NEFL: variants seen among roughly 807,000 people sequenced by gnomAD.
NEFL encodes neurofilament light polypeptide.
In NEFL, 36 loss-of-function variants were observed where a neutral mutation model predicts 51.6. The ratio of observed to expected loss-of-function variants is 0.70; its 90% CI spans 0.53 to 0.92. NEFL has a LOEUF of 0.92. NEFL is among the 40% of genes least tolerant of loss of function. NEFL has a pLI of 0.00. For missense variants in NEFL, 671 were observed against 722.0 expected, an observed-to-expected ratio of 0.93 and a Z score of 0.81; for synonymous variants, 332 against 302.5, an observed-to-expected ratio of 1.10 and a Z score of -1.01.
rs1022900171 is a variant in NEFL, at chr8:24,952,587, C to T, written c.*223G>A. 4.8e-6 allele frequency: 3 copies of T among 623,028 alleles called. No individual in the cohort carries two copies. In the Admixed American group the frequency reaches 9.2e-5, roughly 19 times the overall value. The allele number at this position is 623,028 out of a possible 1,614,324, so 38.6% of individuals were successfully genotyped here. Reference sequence around the variant, plus strand: ...CTCATAAGCGTGGTCCATGCACAGGCTGGCAGCAAGCCAGAAAGCCACTCT... The same window carrying T: ...CTCATAAGCGTGGTCCATGCACAGGTTGGCAGCAAGCCAGAAAGCCACTCT... On this transcript the variant is annotated 3_prime_UTR_variant, in exon 4 of 4. Transcript: ENST00000610854.
rs1803030431 is a variant in NEFL, at chr8:24,955,368, G to A, written c.1044+104C>T. ...CCAAGGAGCCAAGCCCTATCCCTAA[G>A]AGCTGCGTGCAGCCGCACCACCCCT... is the stretch of plus-strand genomic sequence containing the variant. On this transcript the variant is annotated intron_variant, in intron 1 of 3. Coordinates refer to ENST00000610854, the MANE Select transcript of NEFL (RefSeq NM_006158.5). The surrounding 1 kb of genome is among the most constrained non-coding windows in gnomAD (Gnocchi z 4.0). The A allele has an allele frequency of 5.0e-6, 6 of 1,189,938 alleles. No homozygotes were observed. The highest frequency in any genetic ancestry group is 6.9e-6 in the Non-Finnish European group (6 of 864,458). The allele number at this position is 1,189,938 out of a possible 1,614,324, so 73.7% of individuals were successfully genotyped here. A position where few individuals can be genotyped will look rare whatever the true frequency, so the allele number is the denominator to read the frequency against.
intron 3 of NEFL, among the ~76,000 whole-genome samples, 192 bp from the exon 4 acceptor site, chr8:24,953,144 C>T (rs879034512): frequency 6.6e-6 from 1 of 152,160 alleles, no homozygotes; most frequent in East Asian, 1.9e-4. Flanking sequence ...ATATTTAAAT[C>T]GAATGAGATC....
In NEFL at chr8:24,956,317, T is replaced by C; in HGVS notation, c.199A>G (p.Ser67Gly). 6.2e-7 allele frequency: 1 copy of C among 1,610,694 alleles called. No homozygotes were observed. Among genetic ancestry groups the C allele is most frequent in the Non-Finnish European group, 8.5e-7 (1 of 1,178,614 alleles). ...YSSSSGSLMP[S>G]LENLDLSQVA... ...TGGCTCAGGTCGAGGTTCTCCAGAC[T>C]GGGCATCAACGATCCAGAGCTGGAG... The change falls in exon 1 of 4, where the codon AGT becomes GGT. Residue 67 changes from serine (S) to glycine (G), a missense_variant. Physicochemically the swap from Ser to Gly is moderately conservative, Grantham distance 56. Transcript: ENST00000610854. The surrounding 1 kb of genome is among the most constrained non-coding windows in gnomAD (Gnocchi z 5.9).
At position 24,955,993 on chromosome 8, in the gene NEFL, G is replaced by T; in HGVS notation, c.523C>A (p.Gln175Lys). The T allele has an allele frequency of 6.2e-7, 1 of 1,603,734 alleles. No individual in the cohort carries two copies. The highest frequency in any genetic ancestry group is 8.5e-7 in the Non-Finnish European group (1 of 1,179,078). The change falls in exon 1 of 4, where the codon CAG becomes AAG. Residue 175 changes from glutamine (Q) to lysine (K), a missense_variant. Transcript: ENST00000610854. The surrounding 1 kb of genome is among the most constrained non-coding windows in gnomAD (Gnocchi z 4.0). The stretch of plus-strand genomic sequence containing the variant: ...AGCACCTCCTCTTCATAGCGCGCCT[G>T]CAGGTTGCGCAGGGTCTCCTCCAGC... ...EGLEETLRNL[Q>K]ARYEEEVLSR...
At position 24,953,743 on chromosome 8, in the gene NEFL, T is replaced by C; in HGVS notation, c.1222A>G (p.Ile408Val). ...TRLSFTSVGS[I>V]TSGYSQSSQV... Reference sequence around the variant, plus strand: ...GAGCTCTGGGAGTAGCCACTGGTTATGCTTCCCACGCTGGTGAAACTGAGT... The same window carrying C: ...GAGCTCTGGGAGTAGCCACTGGTTACGCTTCCCACGCTGGTGAAACTGAGT... The change falls in exon 3 of 4, where the codon ATA becomes GTA. Residue 408 changes from isoleucine to valine, a missense_variant. Coordinates refer to ENST00000610854, the MANE Select transcript of NEFL (RefSeq NM_006158.5). 6.2e-7 allele frequency: 1 copy of C among 1,613,986 alleles called. No homozygotes were observed. Among genetic ancestry groups the C allele is most frequent in the Non-Finnish European group, 8.5e-7 (1 of 1,179,866 alleles).
intron 2 of NEFL, 90 bp downstream of exon 2, chr8:24,954,091 T>C: frequency 6.4e-7 from 1 of 1,552,378 alleles, no homozygotes; most frequent in Middle Eastern, 1.7e-4. Context: ...AGGACTATTA[T>C]TGAAGGTTTC....
rs183128046 is a variant in NEFL at position 24,955,425 on chromosome 8, C to A, written c.1044+47G>T. ...CACTTTCTGGGCGCACCAACTCCCC[C>A]CCTTGCTCGAGTCCCCCGCCCCCCT... On this transcript the variant is annotated intron_variant, in intron 1 of 3. Coordinates refer to ENST00000610854, the MANE Select transcript of NEFL (RefSeq NM_006158.5). The surrounding 1 kb of genome is among the most constrained non-coding windows in gnomAD (Gnocchi z 4.0). The A allele has an allele frequency of 4.5e-5, 36 of 791,472 alleles. 1 individual carries two copies. The highest frequency in any genetic ancestry group is 9.7e-5 in the African/African-American group (6 of 61,850). The allele number at this position is 791,472 out of a possible 1,614,324, so 49.0% of individuals were successfully genotyped here. A position where few individuals can be genotyped will look rare whatever the true frequency, so the allele number is the denominator to read the frequency against.
rs2117254722 is a variant in NEFL, at chr8:24,955,814, C to A, written c.702G>T (p.Leu234=). The change falls in exon 1 of 4, where the codon CTG becomes CTT. Residue 234 remains leucine (L), a synonymous_variant. Transcript: ENST00000610854. The surrounding 1 kb of genome is among the most constrained non-coding windows in gnomAD (Gnocchi z 4.0). ...TCTGCGCGTACTGGATCTGCGCCTG[C>A]AGTTCGGCGATCTCCTCTTCGTGCA... The part of the protein sequence containing the change: ...KKVHEEEIAE[L]QAQIQYAQIS... The A allele has an allele frequency of 3.7e-6, 6 of 1,612,110 alleles. No homozygotes were observed. The highest frequency in any genetic ancestry group is 5.1e-6 in the Non-Finnish European group (6 of 1,179,866).
Position 24,951,439 on chromosome 8 carries a change from A to G in NEFL, c.*1371T>C, listed in dbSNP as rs949335275. The G allele has an allele frequency of 6.6e-6, 1 of 152,234 alleles. No homozygotes were observed. Among genetic ancestry groups the G allele is most frequent in the Non-Finnish European group, 1.5e-5 (1 of 68,036 alleles). The allele number at this position is 152,234 out of a possible 1,614,324, so 9.4% of individuals were successfully genotyped here. ...AGAATAGCAGATAGTAATATCATCT[A>G]TATTTATTCCACATCAAATGCAAGA... is the stretch of plus-strand genomic sequence containing the variant. On this transcript the variant is annotated 3_prime_UTR_variant, in exon 4 of 4. Transcript: ENST00000610854.
rs781658190 is a variant in NEFL at position 24,956,428 on chromosome 8, G to T, written c.88C>A (p.Arg30Ser). 2.5e-6 allele frequency: 4 copies of T among 1,602,742 alleles called. No individual in the cohort carries two copies. The highest frequency in any genetic ancestry group is 1.7e-4 in the Middle Eastern group (1 of 6,040). The change falls in exon 1 of 4, where the codon CGC (arginine) becomes AGC (serine). Residue 30 changes from arginine to serine, a missense_variant. Transcript: ENST00000610854. This position sits in a 1 kb window ranked among gnomAD's most constrained non-coding sequence, Gnocchi z 5.9. ...GAGCGTGCGGTGCTGTAGCCGCTGCGCACGCTGGAGATGTGCACCCGGGGC... is the reference window on the plus strand; with the variant it reads ...GAGCGTGCGGTGCTGTAGCCGCTGCTCACGCTGGAGATGTGCACCCGGGGC... The part of the protein sequence containing the change: ...ETPRVHISSV[R>S]SGYSTARSAY...
At chr8:24,953,062 C>T in intron 3 of NEFL, 110 bp from the exon 4 acceptor site, 2 of 1,302,560 alleles carry the variant, frequency 1.5e-6, no homozygotes, top group Admixed American at 2.6e-5. Context: ...CTACCAAAAC[C>T]TCCCAGCTCC....
Position 24,955,844 on chromosome 8 carries a change from C to T in NEFL, c.672G>A (p.Lys224=). 6.2e-7 allele frequency: 1 copy of T among 1,610,778 alleles called. No homozygotes were observed. The highest frequency in any genetic ancestry group is 1.1e-5 in the South Asian group (1 of 91,082). The change falls in exon 1 of 4, where the codon AAG becomes AAA. Residue 224 remains lysine, a synonymous_variant. Transcript: ENST00000610854. This position sits in a 1 kb window ranked among gnomAD's most constrained non-coding sequence, Gnocchi z 4.0. ...DSLMDEISFL[K]KVHEEEIAEL... is the part of the protein sequence containing the mutation. ...CGGCGATCTCCTCTTCGTGCACTTT[C>T]TTCAGAAAAGAGATTTCGTCCATCA...
In NEFL at chr8:24,955,412, G is replaced by T; in HGVS notation, c.1044+60C>A. The T allele has an allele frequency of 6.9e-7, 1 of 1,450,950 alleles. No individual in the cohort carries two copies. The highest frequency in any genetic ancestry group is 2.0e-5 in the Admixed American group (1 of 48,804). The allele number at this position is 1,450,950 out of a possible 1,614,324, so 89.9% of individuals were successfully genotyped here. A position where few individuals can be genotyped will look rare whatever the true frequency, so the allele number is the denominator to read the frequency against. On this transcript the variant is annotated intron_variant, in intron 1 of 3. Transcript: ENST00000610854. The surrounding 1 kb of genome is among the most constrained non-coding windows in gnomAD (Gnocchi z 4.0). ...CACCCCTGGTCTCCACTTTCTGGGCGCACCAACTCCCCCCCTTGCTCGAGT... is the reference window on the plus strand; with the variant it reads ...CACCCCTGGTCTCCACTTTCTGGGCTCACCAACTCCCCCCCTTGCTCGAGT...
At position 24,955,533 on chromosome 8, in the gene NEFL, G is replaced by A; in HGVS notation, c.983C>T (p.Ala328Val). ...EIEACRGMNE[A>V]LEKQLQELED... ...CAGCTCCTGCAGCTGCTTCTCCAGC[G>A]CTTCATTCATGCCCCGGCATGCTTC... The change falls in exon 1 of 4, where the codon GCG becomes GTG. Residue 328 changes from alanine to valine, a missense_variant. Physicochemically the swap from Ala to Val is moderately conservative, Grantham distance 64. Coordinates refer to ENST00000610854, the MANE Select transcript of NEFL (RefSeq NM_006158.5). This position sits in a 1 kb window ranked among gnomAD's most constrained non-coding sequence, Gnocchi z 4.0. 5.0e-6 allele frequency: 8 copies of A among 1,613,144 alleles called. No individual in the cohort carries two copies. The highest frequency in any genetic ancestry group is 2.2e-5 in the East Asian group (1 of 44,832).
intron 1 of NEFL, among the ~76,000 whole-genome samples, chr8:24,954,516 T>C (rs888414153): frequency 4.6e-5 from 7 of 152,148 alleles, no homozygotes; most frequent in African/African-American, 1.7e-4. Flanking sequence ...AAAAAAAAGA[T>C]GGACGAAAAT....
intron 2 of NEFL, 178 bp from the exon 3 acceptor site, chr8:24,953,973 T>C: frequency 8.6e-7 from 1 of 1,159,120 alleles, no homozygotes; most frequent in Non-Finnish European, 1.2e-6. Context: ...AGATTTAAAG[T>C]GTAATGACAA....
Position 24,955,418 on chromosome 8 carries a change from ACTCCCCCCCTTG to A in NEFL, c.1044+42_1044+53del. 1.6e-6 allele frequency: 2 copies of A among 1,274,014 alleles called. No homozygotes were observed. The highest frequency in any genetic ancestry group is 2.2e-6 in the Non-Finnish European group (2 of 921,204). The allele number at this position is 1,274,014 out of a possible 1,614,324, so 78.9% of individuals were successfully genotyped here. On this transcript the variant is annotated intron_variant, in intron 1 of 3. Coordinates refer to ENST00000610854, the MANE Select transcript of NEFL (RefSeq NM_006158.5). The surrounding 1 kb of genome is among the most constrained non-coding windows in gnomAD (Gnocchi z 4.0). ...TGGTCTCCACTTTCTGGGCGCACCA[ACTCCCCCCCTTG>A]CTCGAGTCCCCCGCCCCCCTGTGTT...
Position 24,952,801 on chromosome 8 carries a change from A to C in NEFL, c.*9T>G. On this transcript the variant is annotated 3_prime_UTR_variant, in exon 4 of 4. Transcript: ENST00000610854. ...GAATTATTCCTGAAATAATTAAGGA[A>C]ATGGGGGTTCAATCTTTCTTCTTAG... The C allele has an allele frequency of 6.2e-7, 1 of 1,613,876 alleles. No homozygotes were observed. Among genetic ancestry groups the C allele is most frequent in the East Asian group, 2.2e-5 (1 of 44,880 alleles).
rs974292842 is a variant in NEFL, at chr8:24,952,447, G to C, written c.*363C>G. The C allele has an allele frequency of 5.1e-6, 1 of 195,382 alleles. No individual in the cohort carries two copies. The highest frequency in any genetic ancestry group is 2.3e-5 in the African/African-American group (1 of 43,008). The allele number at this position is 195,382 out of a possible 1,614,324, so 12.1% of individuals were successfully genotyped here. ...GGGTCTTTAATTGCTAACCACCGAA[G>C]GTTCAAAGGACTATTTTTCCATGAA... On this transcript the variant is annotated 3_prime_UTR_variant, in exon 4 of 4. Transcript: ENST00000610854.
Sources: allele counts gnomAD v4.1 joint callset (sites outside exome capture counted in the v4.1 genomes callset), GRCh38; gene constraint gnomAD v4.1.1; non-coding constraint Gnocchi (gnomAD v3.1); transcripts MANE v1.5; gene names NCBI Gene and HGNC (gene_info 2026-07-23, HGNC 2026-07-21).